Variants in EPHA6 observed in about 807,000 individuals in gnomAD.
EPHA6 encodes EPH receptor A6.
In EPHA6, 50 loss-of-function variants were observed where a neutral mutation model predicts 112.0. The observed-to-expected ratio is 0.45, with a 90% CI of 0.36 to 0.56. The LOEUF is 0.56. Ranked by LOEUF, EPHA6 falls within the 20% of genes least tolerant of loss-of-function variation. EPHA6 has a pLI of 0.00. For synonymous variants in EPHA6, 529 were observed against 490.7 expected (o/e 1.08, Z -1.03); for missense variants, 1,280 against 1,417.4 (o/e 0.90, Z 1.56).
chr3:97,147,821 A>T (rs1346422503), intron 3 of EPHA6, among the ~76,000 whole-genome samples: 4 of 152,088 alleles, frequency 2.6e-5, no homozygotes, highest in Non-Finnish European at 5.9e-5. Context: ...TAACAACTAA[A>T]GCATTGTGGT....
At chr3:96,943,927 G>A (rs1409062518) in intron 2 of EPHA6, among the ~76,000 whole-genome samples, 2 of 152,090 alleles carry the variant, frequency 1.3e-5, no homozygotes, top group Non-Finnish European at 2.9e-5. Flanking sequence ...GATGAGTTTT[G>A]CAATTTATGA....
intron 3 of EPHA6, among the ~76,000 whole-genome samples, chr3:97,035,297 C>G (rs2045046754): frequency 6.6e-6 from 1 of 151,886 alleles, no homozygotes; most frequent in African/African-American, 2.4e-5. Flanking sequence ...TATTAAGTAC[C>G]TTACCTTTTC....
intron 11 of EPHA6, among the ~76,000 whole-genome samples, chr3:97,575,997 A>T (rs2093380804): frequency 6.6e-6 from 1 of 152,140 alleles, no homozygotes. Flanking sequence ...ATGAACCTCG[A>T]GTTTCCAATT....
intron 2 of EPHA6, among the ~76,000 whole-genome samples, chr3:96,935,601 G>A (rs1479377081): frequency 6.7e-6 from 1 of 148,718 alleles, no homozygotes; most frequent in African/African-American, 2.4e-5. Flanking sequence ...TTGTTGTGAA[G>A]CATCATATTT....
chr3:97,178,168 T>G (rs2076889747), intron 3 of EPHA6, among the ~76,000 whole-genome samples: 1 of 151,986 alleles, frequency 6.6e-6, no homozygotes, highest in Non-Finnish European at 1.5e-5. Flanking sequence ...CCCACTATTG[T>G]AACCTTATAA....
intron 2 of EPHA6, among the ~76,000 whole-genome samples, chr3:96,942,054 G>A (rs569883105): frequency 3.3e-5 from 5 of 152,262 alleles, no homozygotes; most frequent in East Asian, 1.9e-4. Flanking sequence ...CAGGCTGCTC[G>A]GGGGTCAGGG....
intron 3 of EPHA6, among the ~76,000 whole-genome samples, chr3:97,218,687 T>G (rs1055924031): frequency 5.3e-5 from 8 of 152,122 alleles, no homozygotes; most frequent in African/African-American, 1.7e-4. Context: ...CCTAACCAAA[T>G]CATTCTGTCC....
chr3:96,872,429 G>A (rs986416696), intron 2 of EPHA6, among the ~76,000 whole-genome samples: 2 of 152,002 alleles, frequency 1.3e-5, no homozygotes, highest in African/African-American at 4.8e-5. Context: ...CCTCTTCCTT[G>A]CTTTATGTAG....
intron 11 of EPHA6, among the ~76,000 whole-genome samples, chr3:97,544,573 C>T (rs2092917775): frequency 6.6e-6 from 1 of 152,128 alleles, no homozygotes; most frequent in African/African-American, 2.4e-5. Flanking sequence ...TGTGTCTCTG[C>T]CAGGCTTTGG....
At chr3:97,336,098 GC>G (rs2108841240) in intron 5 of EPHA6, among the ~76,000 whole-genome samples, 1 of 152,248 alleles carries the variant, frequency 6.6e-6, no homozygotes, top group South Asian at 2.1e-4. Flanking sequence ...GAATCTTGCA[GC>G]CTCCAGTTGC....
At chr3:97,717,940 C>A (rs1576345346) in intron 14 of EPHA6, among the ~76,000 whole-genome samples, 1 of 152,142 alleles carries the variant, frequency 6.6e-6, no homozygotes, top group Non-Finnish European at 1.5e-5. Context: ...ATTAACTCTG[C>A]TTTTTGACCT....
Position 97,484,046 on chromosome 3 carries a change from A to G in EPHA6, c.2187A>G (p.Arg729=), listed in dbSNP as rs2091635302. ...EIDPSRIRIE[R]VIGAGEFGEV... The stretch of plus-strand genomic sequence containing the variant: ...ATCCCTCAAGAATTCGTATTGAGAG[A>G]GTCATTGGGGCAGGTAAATGTCAAA... Residue 729 remains arginine, a synonymous_variant, in exon 10 of 18, where the codon AGA becomes AGG. Coordinates refer to ENST00000389672, the MANE Select transcript of EPHA6 (RefSeq NM_001080448.3). 4 of 1,603,128 alleles carry G rather than the reference A, an allele frequency of 2.5e-6. No homozygotes were observed. In the African/African-American group the frequency reaches 5.4e-5, roughly 21 times the overall value.
chr3:97,385,315 T>G (rs2085995503), intron 5 of EPHA6, among the ~76,000 whole-genome samples: 1 of 152,210 alleles, frequency 6.6e-6, no homozygotes, highest in Admixed American at 6.5e-5. Context: ...AATATACTTA[T>G]GAACCCATAG....
At chr3:96,818,476 C>A (rs2032987066) in intron 1 of EPHA6, among the ~76,000 whole-genome samples, 1 of 151,822 alleles carries the variant, frequency 6.6e-6, no homozygotes, top group Non-Finnish European at 1.5e-5. Context: ...CAGTGACAAA[C>A]AAAATAAGCA....
intron 3 of EPHA6, among the ~76,000 whole-genome samples, chr3:97,145,265 C>G (rs557816934): frequency 1.1e-3 from 174 of 151,306 alleles, no homozygotes; most frequent in African/African-American, 4.0e-3. Context: ...CACAAGAGAA[C>G]TTACTCTAAT....
intron 3 of EPHA6, among the ~76,000 whole-genome samples, chr3:97,054,464 A>G (rs2045788376): frequency 6.6e-6 from 1 of 151,878 alleles, no homozygotes; most frequent in Non-Finnish European, 1.5e-5. Flanking sequence ...TTCCTCTACT[A>G]CTCCCATTTA....
At chr3:97,599,065 T>C (rs1437100110) in intron 12 of EPHA6, among the ~76,000 whole-genome samples, 1 of 152,218 alleles carries the variant, frequency 6.6e-6, no homozygotes, top group Non-Finnish European at 1.5e-5. Context: ...AAATGTCTTC[T>C]TTTGAGAAGT....
At chr3:97,355,288 A>G (rs2084013778) in intron 5 of EPHA6, among the ~76,000 whole-genome samples, 1 of 152,214 alleles carries the variant, frequency 6.6e-6, no homozygotes, top group African/African-American at 2.4e-5. Flanking sequence ...GAACCCATCA[A>G]ATATAATAAT....
At chr3:97,037,728 T>C (rs1031629364) in intron 3 of EPHA6, among the ~76,000 whole-genome samples, 1 of 152,074 alleles carries the variant, frequency 6.6e-6, no homozygotes, top group Non-Finnish European at 1.5e-5. Flanking sequence ...CACATACTGG[T>C]TGACACGTCA....
Sources: allele counts gnomAD v4.1 joint callset (sites outside exome capture counted in the v4.1 genomes callset), GRCh38; gene constraint gnomAD v4.1.1; transcripts MANE v1.5; gene names NCBI Gene and HGNC (gene_info 2026-07-23, HGNC 2026-07-21).